The following KIAA1671 variants were observed in gnomAD, a reference collection of about 807,000 sequenced individuals.
KIAA1671 encodes the protein uncharacterized protein KIAA1671.
In KIAA1671, 52 loss-of-function variants were observed where a neutral mutation model predicts 131.2. The ratio of observed to expected loss-of-function variants is 0.40; its 90% CI spans 0.32 to 0.50. The LOEUF is 0.50. KIAA1671 is among the 20% of genes least tolerant of loss of function. The pLI, the probability that KIAA1671 is intolerant of heterozygous loss-of-function variation, is 0.73. For missense variants in KIAA1671, 2,360 were observed against 2,364.2 expected (o/e 1.00, Z 0.04); for synonymous variants, 1,003 against 961.6 (o/e 1.04, Z -0.80).
intron 1 of KIAA1671, chr22:25,012,047 T>C (rs1044857613): frequency 1.3e-5 from 2 of 152,234 alleles, no homozygotes; most frequent in African/African-American, 4.8e-5. Context: ...TGGCCACTTT[T>C]AGCTGCAAAG....
chr22:25,010,913 G>A (rs1448491950), intron 1 of KIAA1671: 1 of 152,186 alleles, frequency 6.6e-6, no homozygotes, highest in East Asian at 1.9e-4. Context: ...CAATACGGTT[G>A]CCATGACTGC....
chr22:25,067,101 G>T (rs1404491242), intron 6 of KIAA1671, among the ~76,000 whole-genome samples: 1 of 152,082 alleles, frequency 6.6e-6, no homozygotes, highest in African/African-American at 2.4e-5. Flanking sequence ...CTGGGCACTG[G>T]GGGCAGCTTC....
chr22:25,121,092 G>A (rs1931918746), intron 6 of KIAA1671, among the ~76,000 whole-genome samples: 1 of 152,204 alleles, frequency 6.6e-6, no homozygotes, highest in African/African-American at 2.4e-5. Flanking sequence ...TCATCAGGAA[G>A]TCAGAAATTT....
chr22:25,103,052 C>T (rs1930776350), intron 6 of KIAA1671: 2 of 152,350 alleles, frequency 1.3e-5, no homozygotes, highest in Non-Finnish European at 2.9e-5. Context: ...GCAAGCCCTT[C>T]TGAAGGCTTT....
At chr22:25,144,268 A>G (rs1051864062) in intron 6 of KIAA1671, among the ~76,000 whole-genome samples, 3 of 152,016 alleles carry the variant, frequency 2.0e-5, no homozygotes, top group African/African-American at 7.3e-5. Flanking sequence ...CACTGCCTCT[A>G]TCTTCTGAGG....
At chr22:25,089,199 T>C (rs1223418259) in intron 6 of KIAA1671, among the ~76,000 whole-genome samples, 1 of 151,962 alleles carries the variant, frequency 6.6e-6, no homozygotes, top group Admixed American at 6.6e-5. Context: ...TGTGGATTTA[T>C]GTATCTGTGG....
In KIAA1671 at chr22:25,153,070, T is replaced by C. The variant is rs537885752; in HGVS notation, c.4531-17750T>C. ...CCCTAAGGGGCCTTTCTAAACATTT[T>C]TTCCCTAGTTGCCTTCCCAGTAACT... On this transcript the variant is annotated intron_variant, in intron 6 of 12. Transcript: ENST00000358431. Among the ~76,000 whole-genome samples the C allele has an allele frequency of 3.9e-5, 6 of 152,344 alleles. No individual in the cohort carries two copies. The East Asian group carries it at 1.2e-3, about 29-fold the overall frequency.
At chr22:25,107,900 C>T (rs776001692) in intron 6 of KIAA1671, among the ~76,000 whole-genome samples, 8 of 151,930 alleles carry the variant, frequency 5.3e-5, no homozygotes, top group Admixed American at 1.3e-4. Context: ...CCCAGATACT[C>T]GGGAGGCTGA....
At chr22:25,004,951 G>C (rs1429647938) in intron 1 of KIAA1671, among the ~76,000 whole-genome samples, 1 of 141,420 alleles carries the variant, frequency 7.1e-6, no homozygotes, top group East Asian at 2.1e-4. Context: ...GTCTCAAAAA[G>C]AAAAAAAAAA....
Position 25,040,838 on chromosome 22 carries a change from G to A in KIAA1671, c.3708G>A (p.Arg1236=). 6.4e-7 allele frequency: 1 copy of A among 1,551,176 alleles called. No individual in the cohort carries two copies. Among genetic ancestry groups the A allele is most frequent in the South Asian group, 1.2e-5 (1 of 84,044 alleles). The part of the protein sequence containing the change: ...TVEPSTLPRE[R]PVQLGGVEQR... ...AGCCCAGTACGTTGCCTCGGGAGAG[G>A]CCTGTTCAGCTGGGCGGGGTGGAGC... is the stretch of plus-strand genomic sequence containing the variant. Residue 1236 remains arginine, a synonymous_variant, in exon 5 of 13, where the codon AGG becomes AGA. Coordinates refer to ENST00000358431, the MANE Select transcript of KIAA1671 (RefSeq NM_001145206.2).
intron 6 of KIAA1671, among the ~76,000 whole-genome samples, chr22:25,125,205 C>T (rs186039835): frequency 7.2e-5 from 11 of 152,184 alleles, no homozygotes; most frequent in Non-Finnish European, 1.2e-4. Context: ...ACTGGAGGGC[C>T]ACATTCAAGG....
Position 25,086,179 on chromosome 22 carries a change from A to G in KIAA1671, c.4530+36815A>G, listed in dbSNP as rs28555199. Among the ~76,000 whole-genome samples, 480 of 152,350 alleles carry G rather than the reference A, an allele frequency of 3.2e-3. 2 individuals are homozygous for G. The highest frequency in any genetic ancestry group is 0.011 in the African/African-American group (462 of 41,584). ...CTGAATGAAAGAGTGAAAGAAAACAATGAATGCGAAAATGAAACTTTTCAT... is the reference window on the plus strand; with the variant it reads ...CTGAATGAAAGAGTGAAAGAAAACAGTGAATGCGAAAATGAAACTTTTCAT... On this transcript the variant is annotated intron_variant, in intron 6 of 12. Coordinates refer to ENST00000358431, the MANE Select transcript of KIAA1671 (RefSeq NM_001145206.2).
intron 5 of KIAA1671, among the ~76,000 whole-genome samples, chr22:25,042,463 G>GTTTTTTTT (rs3063202): frequency 6.7e-5 from 7 of 104,884 alleles, no homozygotes; most frequent in Admixed American, 1.1e-4. Flanking sequence ...GCAGTCCCTT[G>GTTTTTTTT]TTTTTTTTTT....
chr22:25,190,298 A>G (rs1454653983), intron 11 of KIAA1671, among the ~76,000 whole-genome samples: 4 of 151,932 alleles, frequency 2.6e-5, no homozygotes, highest in East Asian at 3.9e-4. Flanking sequence ...TAGGGTTCAC[A>G]CTCCTATGAG....
chr22:25,075,978 G>A (rs1929087125), intron 6 of KIAA1671, among the ~76,000 whole-genome samples: 1 of 151,620 alleles, frequency 6.6e-6, no homozygotes, highest in Non-Finnish European at 1.5e-5. Context: ...GTTTCACTGT[G>A]TTAGCCAGGC....
intron 1 of KIAA1671, among the ~76,000 whole-genome samples, chr22:24,953,645 C>T (rs532559850): frequency 1.0e-3 from 158 of 152,054 alleles, no homozygotes; most frequent in African/African-American, 3.6e-3. Context: ...GGAAGCGGCT[C>T]GTTGACCCCC....
At chr22:24,975,066 A>G (rs1922845494) in intron 1 of KIAA1671, among the ~76,000 whole-genome samples, 1 of 151,850 alleles carries the variant, frequency 6.6e-6, no homozygotes, top group Admixed American at 6.6e-5. Context: ...GCAACTCTCA[A>G]CCATGACTGA....
At chr22:25,174,132 T>TTATA in intron 7 of KIAA1671, 108 bp from the exon 8 acceptor site, 1 of 1,250,622 alleles carries the variant, frequency 8.0e-7, no homozygotes, top group Non-Finnish European at 1.1e-6. Context: ...GTTACTTGGC[T>TTATA]TATAAAACAT....
At chr22:25,139,378 T>C (rs1488360043) in intron 6 of KIAA1671, among the ~76,000 whole-genome samples, 2 of 152,212 alleles carry the variant, frequency 1.3e-5, no homozygotes, top group Non-Finnish European at 2.9e-5. Flanking sequence ...AGGGAGGCTG[T>C]ATGGTACAAA....
Sources: gnomAD v4.1 joint callset for allele counts (sites outside exome capture counted in the v4.1 genomes callset) on GRCh38, gnomAD v4.1.1 for gene constraint, MANE v1.5 for transcripts, NCBI Gene and HGNC (gene_info 2026-07-23, HGNC 2026-07-21) for gene names.